Variants in SMAD1 observed in about 807,000 individuals in gnomAD.
The protein encoded by SMAD1 is SMAD family member 1.
In SMAD1, 6 loss-of-function variants were observed where a neutral mutation model predicts 41.6. The observed-to-expected ratio is 0.14, with a 90% CI of 0.08 to 0.28. The LOEUF is 0.28. SMAD1 is among the 10% of genes least tolerant of loss of function. The pLI, the probability that SMAD1 is intolerant of heterozygous loss-of-function variation, is 1.00. For missense variants in SMAD1, 379 were observed against 582.6 expected (o/e 0.65, Z 3.60); for synonymous variants, 206 against 203.2 (o/e 1.01, Z -0.12).
chr4:145,524,442 TA>T lies in SMAD1; in HGVS notation c.400+9433del, dbSNP rs1383637162. Among the ~76,000 whole-genome samples the T allele has an allele frequency of 5.3e-5, 8 of 152,322 alleles. No individual in the cohort carries two copies. In the East Asian group the frequency reaches 1.5e-3, roughly 29 times the overall value. ...CTGTATGTTACTTTTACATAAACTGTAAAAGTACATAAGTTGTTATACATCG... is the reference window on the plus strand; with the variant it reads ...CTGTATGTTACTTTTACATAAACTGTAAAGTACATAAGTTGTTATACATCG... On this transcript the variant is annotated intron_variant, in intron 2 of 6. Transcript: ENST00000302085.
rs145041372 is a variant in SMAD1, at chr4:145,529,829, A to G, written c.401-9975A>G. 3.7e-3 allele frequency among the ~76,000 whole-genome samples: 570 copies of G among 152,316 alleles called. 3 individuals are homozygous for G. The highest frequency in any genetic ancestry group is 0.013 in the African/African-American group (540 of 41,558). On this transcript the variant is annotated intron_variant, in intron 2 of 6. Transcript: ENST00000302085. ...TAGCTCTCTTGCCAGTGCATGTAGTAACCATTTGTCTTCCTGTACCTAGGC... is the reference window on the plus strand; with the variant it reads ...TAGCTCTCTTGCCAGTGCATGTAGTGACCATTTGTCTTCCTGTACCTAGGC...
At chr4:145,547,333 G>T (rs183075520) in intron 5 of SMAD1, among the ~76,000 whole-genome samples, 2 of 152,110 alleles carry the variant, frequency 1.3e-5, no homozygotes, top group Admixed American at 1.3e-4. Flanking sequence ...CACAAACATC[G>T]TGCAAGGTGG....
intron 1 of SMAD1, among the ~76,000 whole-genome samples, chr4:145,505,692 C>G (rs746516639): frequency 6.6e-6 from 1 of 151,468 alleles, no homozygotes; most frequent in Non-Finnish European, 1.5e-5. Context: ...CACCATAGGT[C>G]TACTCTGGAA....
chr4:145,546,892 C>T lies in SMAD1; in HGVS notation c.965C>T (p.Thr322Ile), dbSNP rs1204905977. ...GLLSNVNRNS[T>I]IENTRRHIGK... ...CTCTCCAATGTTAACCGGAATTCCA[C>T]TATTGAAAACACCAGGCGGCATATT... Residue 322 changes from threonine (T) to isoleucine (I), a missense_variant, in exon 5 of 7, where the codon ACT becomes ATT. Coordinates refer to ENST00000302085, the MANE Select transcript of SMAD1 (RefSeq NM_005900.3). The T allele has an allele frequency of 1.2e-6, 2 of 1,614,096 alleles. No homozygotes were observed. The highest frequency in any genetic ancestry group is 1.7e-6 in the Non-Finnish European group (2 of 1,179,964).
At chr4:145,537,111 C>G (rs1430925067) in intron 2 of SMAD1, among the ~76,000 whole-genome samples, 1 of 152,052 alleles carries the variant, frequency 6.6e-6, no homozygotes, top group Admixed American at 6.5e-5. Flanking sequence ...CAACGAAGTA[C>G]AATATGTGAT....
intron 2 of SMAD1, among the ~76,000 whole-genome samples, chr4:145,532,028 A>G (rs1376930938): frequency 6.6e-6 from 1 of 152,210 alleles, no homozygotes; most frequent in Non-Finnish European, 1.5e-5. Flanking sequence ...CAAAATCTTA[A>G]AAAAGCTCTC....
chr4:145,534,442 T>C (rs764789046), intron 2 of SMAD1, among the ~76,000 whole-genome samples: 13 of 152,162 alleles, frequency 8.5e-5, no homozygotes, highest in Non-Finnish European at 1.6e-4. Flanking sequence ...ACTGAAGTCA[T>C]ATGGAAAGCT....
chr4:145,556,210 T>C (rs1446989066), intron 6 of SMAD1, among the ~76,000 whole-genome samples: 1 of 152,238 alleles, frequency 6.6e-6, no homozygotes. Flanking sequence ...TCAGCTCAGC[T>C]GAACACATAT....
chr4:145,538,152 T>C (rs1731721572), intron 2 of SMAD1, among the ~76,000 whole-genome samples: 1 of 152,156 alleles, frequency 6.6e-6, no homozygotes, highest in South Asian at 2.1e-4. Flanking sequence ...TCACAGCAGC[T>C]AAAAGAAAAG....
At chr4:145,526,703 C>G (rs1310155349) in intron 2 of SMAD1, among the ~76,000 whole-genome samples, 1 of 152,106 alleles carries the variant, frequency 6.6e-6, no homozygotes, top group African/African-American at 2.4e-5. Context: ...AAGGCTCTTG[C>G]TCACAGTAGA....
At chr4:145,535,155 G>A (rs1443854342) in intron 2 of SMAD1, among the ~76,000 whole-genome samples, 2 of 152,122 alleles carry the variant, frequency 1.3e-5, no homozygotes, top group South Asian at 2.1e-4. Context: ...GCACCAAAAT[G>A]TCATTTGTCA....
In SMAD1 at chr4:145,540,079, G is replaced by T; in HGVS notation, c.658+18G>T. 1 of 1,613,724 alleles carries T rather than the reference G, an allele frequency of 6.2e-7. No homozygotes were observed. The highest frequency in any genetic ancestry group is 1.7e-4 in the Middle Eastern group (1 of 6,058). ...GATGCCAGGTAGGTTGGAATGTTCA[G>T]TGATGTTCTGTAGTCATATCAGACA... On this transcript the variant is annotated intron_variant, in intron 3 of 6. Coordinates refer to ENST00000302085, the MANE Select transcript of SMAD1 (RefSeq NM_005900.3).
At chr4:145,539,713 T>C in intron 2 of SMAD1, 91 bp from the exon 3 acceptor site, 1 of 1,280,156 alleles carries the variant, frequency 7.8e-7, no homozygotes, top group African/African-American at 1.5e-5. Context: ...AATTTGTTGT[T>C]GTTTACAGAT....
intron 2 of SMAD1, among the ~76,000 whole-genome samples, chr4:145,522,675 TG>T (rs748023797): frequency 2.5e-4 from 37 of 150,446 alleles, no homozygotes; most frequent in Non-Finnish European, 4.0e-4. Context: ...TGTTTTGTTT[TG>T]TTTTTTTGTT....
At chr4:145,536,862 A>C (rs1014650574) in intron 2 of SMAD1, among the ~76,000 whole-genome samples, 2 of 152,190 alleles carry the variant, frequency 1.3e-5, no homozygotes, top group African/African-American at 4.8e-5. Flanking sequence ...TTAAACCTCA[A>C]ACAGGCAGAC....
chr4:145,500,782 AT>A (rs1729396427), intron 1 of SMAD1, among the ~76,000 whole-genome samples: 1 of 152,138 alleles, frequency 6.6e-6, no homozygotes, highest in African/African-American at 2.4e-5. Context: ...TGTAAACCTC[AT>A]TTTTTTGGAT....
At chr4:145,524,564 A>C (rs1017478337) in intron 2 of SMAD1, among the ~76,000 whole-genome samples, 5 of 152,220 alleles carry the variant, frequency 3.3e-5, no homozygotes, top group African/African-American at 1.2e-4. Context: ...TTAAGACAGT[A>C]GTCTATAGAT....
At chr4:145,489,466 AAAAT>A (rs1210348386) in intron 1 of SMAD1, among the ~76,000 whole-genome samples, 5 of 147,606 alleles carry the variant, frequency 3.4e-5, no homozygotes, top group Non-Finnish European at 7.3e-5. Flanking sequence ...GAAGGATTTA[AAAAT>A]AAATAAATAA....
intron 5 of SMAD1, among the ~76,000 whole-genome samples, chr4:145,549,580 T>C (rs1263754922): frequency 6.6e-6 from 1 of 152,204 alleles, no homozygotes; most frequent in Non-Finnish European, 1.5e-5. Context: ...TGTTCTTTGT[T>C]CTGTTTTTCT....
Sources: allele counts gnomAD v4.1 joint callset (sites outside exome capture counted in the v4.1 genomes callset), GRCh38; gene constraint gnomAD v4.1.1; transcripts MANE v1.5; gene names NCBI Gene and HGNC (gene_info 2026-07-23, HGNC 2026-07-21).